MS4A12: variants seen among roughly 807,000 people sequenced by gnomAD.
MS4A12 encodes the protein membrane-spanning 4-domains subfamily A member 12.
MS4A12 carries 28 observed loss-of-function variants against 23.7 expected under a neutral mutation model. That is an observed-to-expected ratio of 1.18 (90% CI 0.88 to 1.62). The LOEUF (loss-of-function observed/expected upper bound fraction) is 1.62, where lower values mean the gene tolerates loss of function less well. MS4A12 is among the 40% of genes most tolerant of loss of function. MS4A12 has a pLI of 0.00. For synonymous variants in MS4A12, 108 were observed against 110.1 expected, an observed-to-expected ratio of 0.98 and a Z score of 0.12; for missense variants, 342 against 327.0, an observed-to-expected ratio of 1.05 and a Z score of -0.35.
intron 1 of MS4A12, chr11:60,493,181 G>A (rs1360177434): frequency 6.6e-6 from 1 of 152,064 alleles, no homozygotes; most frequent in Non-Finnish European, 1.5e-5. Context: ...TTCGAGACCA[G>A]CCTGCCTAAC....
Position 60,501,052 on chromosome 11 carries a change from A to G in MS4A12, c.284A>G (p.Gln95Arg), listed in dbSNP as rs1217004211. 2 of 1,599,012 alleles carry G rather than the reference A, an allele frequency of 1.3e-6. No homozygotes were observed. The highest frequency in any genetic ancestry group is 1.7e-6 in the Non-Finnish European group (2 of 1,175,578). ...KEEAKALGVI[Q>R]IMVGLMHIGF... ...GCTGTTTTCTTTTTTCAGGTGATCC[A>G]GATCATGGTTGGATTGATGCACATT... Residue 95 changes from glutamine to arginine, a missense_variant, in exon 3 of 7, where the codon CAG becomes CGG. Transcript: ENST00000016913.
rs1026503494 is a variant in MS4A12, at chr11:60,497,436, G to A, written c.118G>A (p.Glu40Lys). ...FQQPLGSINL[E>K]NQAQGAQRAQ... ...ACAGCCTCTGGGTTCAATCAACTTA[G>A]AAAACCAAGCTCAGGGTGCTCAGCG... The change falls in exon 2 of 7, where the codon GAA becomes AAA. Residue 40 changes from glutamate (E) to lysine (K), a missense_variant. Physicochemically the swap from Glu to Lys is moderately conservative, Grantham distance 56. Transcript: ENST00000016913. 9 of 1,614,162 alleles carry A rather than the reference G, an allele frequency of 5.6e-6. No homozygotes were observed. The highest frequency in any genetic ancestry group is 7.6e-6 in the Non-Finnish European group (9 of 1,180,032).
At chr11:60,497,659 G>A in intron 2 of MS4A12, 65 bp downstream of exon 2, 1 of 1,529,692 alleles carries the variant, frequency 6.5e-7, no homozygotes, top group East Asian at 2.3e-5. Context: ...AGTTATAGGA[G>A]AGTATCATCC....
At chr11:60,492,953 G>C (rs1039858733) in intron 1 of MS4A12, 125 bp downstream of exon 1, 1 of 152,142 alleles carries the variant, frequency 6.6e-6, no homozygotes, top group Admixed American at 6.6e-5. Context: ...TTGACTCTAT[G>C]TTGAGGCCAG....
intron 3 of MS4A12, among the ~76,000 whole-genome samples, chr11:60,501,734 G>C (rs1405827232): frequency 6.6e-6 from 1 of 151,854 alleles, no homozygotes; most frequent in East Asian, 1.9e-4. Context: ...AAGGGATGGA[G>C]CAGTAAGCCT....
intron 1 of MS4A12, among the ~76,000 whole-genome samples, chr11:60,496,215 G>A (rs1030103900): frequency 2.6e-5 from 4 of 152,116 alleles, no homozygotes; most frequent in Admixed American, 6.5e-5. Flanking sequence ...TGTACCAATA[G>A]GTTATTCATA....
intron 4 of MS4A12, 68 bp downstream of exon 4, chr11:60,502,107 T>G: frequency 6.8e-7 from 1 of 1,465,458 alleles, no homozygotes; most frequent in Non-Finnish European, 9.4e-7. Flanking sequence ...GGAGGAAAAT[T>G]GAAAAGCTGG....
chr11:60,504,879 G>C (rs2086558983), intron 5 of MS4A12, among the ~76,000 whole-genome samples: 1 of 151,942 alleles, frequency 6.6e-6, no homozygotes, highest in African/African-American at 2.4e-5. Flanking sequence ...GTGTCCCCTA[G>C]AGTATGTTCT....
At chr11:60,496,655 A>G (rs2086489516) in intron 1 of MS4A12, among the ~76,000 whole-genome samples, 1 of 152,230 alleles carries the variant, frequency 6.6e-6, no homozygotes, top group Non-Finnish European at 1.5e-5. Context: ...TTGATATAAC[A>G]AACTACCACA....
chr11:60,498,694 A>G (rs1253058610), intron 2 of MS4A12, among the ~76,000 whole-genome samples: 1 of 152,242 alleles, frequency 6.6e-6, no homozygotes, highest in Non-Finnish European at 1.5e-5. Context: ...TAGACAAAAC[A>G]AAGAAGTGTA....
chr11:60,505,658 CA>C (rs910925143), intron 5 of MS4A12, among the ~76,000 whole-genome samples: 6 of 149,176 alleles, frequency 4.0e-5, no homozygotes, highest in Admixed American at 6.7e-5. Flanking sequence ...GAAGGGAAGC[CA>C]AAAAAAAATA....
Position 60,497,494 on chromosome 11 carries a change from T to C in MS4A12, c.176T>C (p.Ile59Thr), listed in dbSNP as rs765373308. 1 of 1,614,170 alleles carries C rather than the reference T, an allele frequency of 6.2e-7. No individual in the cohort carries two copies. Among genetic ancestry groups the C allele is most frequent in the Non-Finnish European group, 8.5e-7 (1 of 1,180,006 alleles). Residue 59 changes from isoleucine (I) to threonine (T), a missense_variant, in exon 2 of 7, where the codon ATC becomes ACC. Ile to Thr is a moderately conservative substitution (Grantham distance 89). Transcript: ENST00000016913. ...AQPYGITSPG[I>T]FASSQPGQGN... ...CCCTACGGCATCACATCTCCGGGAA[T>C]CTTTGCTAGCAGTCAACCGGGTCAA...
chr11:60,503,864 G>A lies in MS4A12; in HGVS notation c.588+47G>A, dbSNP rs2298557. The A allele has an allele frequency of 5.6e-4, 848 of 1,504,418 alleles. 7 individuals carry two copies. The East Asian group carries it at 0.016, about 29-fold the overall frequency. 93.2% of individuals were successfully genotyped at this position (1,504,418 alleles called of 1,614,324 possible). ...ATGTGCCTGCTCTATTTTCAGTCCCGTAAAGTGGGTCTATGTTTTATTTCT... is the reference window on the plus strand; with the variant it reads ...ATGTGCCTGCTCTATTTTCAGTCCCATAAAGTGGGTCTATGTTTTATTTCT... On this transcript the variant is annotated intron_variant, in intron 5 of 6. Coordinates refer to ENST00000016913, the MANE Select transcript of MS4A12 (RefSeq NM_017716.3).
At chr11:60,495,932 G>C (rs1173428208) in intron 1 of MS4A12, among the ~76,000 whole-genome samples, 1 of 152,174 alleles carries the variant, frequency 6.6e-6, no homozygotes, top group African/African-American at 2.4e-5. Context: ...ACCAAGGCTG[G>C]CCTGGAAAAC....
chr11:60,507,274 G>A lies in MS4A12; in HGVS notation c.*150G>A. ...TTTAGGTTGGTCGCTAATGATGGCT[G>A]TATCTCCCTTCACTGTCTCTTCCTA... On this transcript the variant is annotated 3_prime_UTR_variant, in exon 7 of 7. Coordinates refer to ENST00000016913, the MANE Select transcript of MS4A12 (RefSeq NM_017716.3). 1.6e-6 allele frequency: 1 copy of A among 637,454 alleles called. No homozygotes were observed. Among genetic ancestry groups the A allele is most frequent in the East Asian group, 2.7e-5 (1 of 36,648 alleles). The allele number at this position is 637,454 out of a possible 1,614,324, so 39.5% of individuals were successfully genotyped here. A position where few individuals can be genotyped will look rare whatever the true frequency, so the allele number is the denominator to read the frequency against.
chr11:60,507,363 T>G lies in MS4A12; in HGVS notation c.*239T>G. On this transcript the variant is annotated 3_prime_UTR_variant, in exon 7 of 7. Coordinates refer to ENST00000016913, the MANE Select transcript of MS4A12 (RefSeq NM_017716.3). ...GAGGACTGAAAAATGATTCTGCAAC[T>G]CTCTTAAAGTTAGAAATGTTTCTGT... 2.1e-6 allele frequency: 1 copy of G among 476,486 alleles called. No homozygotes were observed. 29.5% of individuals were successfully genotyped at this position (476,486 alleles called of 1,614,324 possible).
chr11:60,505,658 C>G, intron 5 of MS4A12, among the ~76,000 whole-genome samples: 1 of 149,216 alleles, frequency 6.7e-6, no homozygotes, highest in East Asian at 1.9e-4. Flanking sequence ...GAAGGGAAGC[C>G]AAAAAAAAAT....
chr11:60,498,084 C>T (rs999275784), intron 2 of MS4A12: 1 of 154,962 alleles, frequency 6.5e-6, no homozygotes, highest in African/African-American at 2.4e-5. Context: ...AGAGATGCTA[C>T]AGTTTAACTG....
intron 2 of MS4A12, among the ~76,000 whole-genome samples, chr11:60,499,376 G>A (rs2086513561): frequency 6.6e-6 from 1 of 152,206 alleles, no homozygotes; most frequent in African/African-American, 2.4e-5. Flanking sequence ...TACAAATCCA[G>A]ATCTAACTGC....
Sources: allele counts gnomAD v4.1 joint callset (sites outside exome capture counted in the v4.1 genomes callset), GRCh38; gene constraint gnomAD v4.1.1; transcripts MANE v1.5; gene names NCBI Gene and HGNC (gene_info 2026-07-23, HGNC 2026-07-21).